Variants in SSPN observed in about 807,000 individuals in gnomAD.
The protein encoded by SSPN is K-ras oncogene-associated protein.
Under a neutral mutation model 19.1 loss-of-function variants are expected in SSPN, and 15 were observed. The observed-to-expected ratio is 0.78, with a 90% CI of 0.52 to 1.21. The LOEUF is 1.21. Among genes scored for constraint, SSPN ranks in the 50% most tolerant of loss-of-function variants. The pLI, the probability that SSPN is intolerant of heterozygous loss-of-function variation, is 0.00. For synonymous variants in SSPN, 147 were observed against 140.3 expected, an observed-to-expected ratio of 1.05 and a Z score of -0.34; for missense variants, 291 against 314.0, an observed-to-expected ratio of 0.93 and a Z score of 0.55.
upstream of SSPN, among the ~76,000 whole-genome samples, chr12:26,191,677 TACACACAC>T (rs10525695): frequency 0.1 from 15,449 of 148,942 alleles, 1,025 homozygotes; most frequent in African/African-American, 0.2. Context: ...TAATTTGTTC[TACACACAC>T]ACACACACAC....
At chr12:26,157,509 C>A (rs1458642098) in intron 1 of SSPN, among the ~76,000 whole-genome samples, 4 of 152,174 alleles carry the variant, frequency 2.6e-5, no homozygotes, top group African/African-American at 9.7e-5. Context: ...ATATACTGTA[C>A]TCACAATTAT....
chr12:26,201,027 A>ATAT (rs1944875715), intron 1 of SSPN, among the ~76,000 whole-genome samples: 12 of 39,448 alleles, frequency 3.0e-4, no homozygotes, highest in Non-Finnish European at 4.5e-4. Context: ...ATATATATAT[A>ATAT]TATATATATA....
At chr12:26,190,625 G>A (rs1420504884), upstream of SSPN, among the ~76,000 whole-genome samples, 1 of 152,136 alleles carries the variant, frequency 6.6e-6, no homozygotes, top group Non-Finnish European at 1.5e-5. Context: ...TGTAGCAATA[G>A]ATAATTAAAA....
At chr12:26,128,882 A>G (rs1264952392) in intron 1 of SSPN, among the ~76,000 whole-genome samples, 1 of 152,204 alleles carries the variant, frequency 6.6e-6, no homozygotes, top group East Asian at 1.9e-4. Flanking sequence ...GAAAGGAAAT[A>G]CTTAGGCCAA....
At chr12:26,157,327 CT>C (rs1337602696) in intron 1 of SSPN, among the ~76,000 whole-genome samples, 2 of 152,198 alleles carry the variant, frequency 1.3e-5, no homozygotes, top group East Asian at 3.8e-4. Flanking sequence ...TCTTTGATGG[CT>C]AATTCTATAC....
Position 26,205,716 on chromosome 12 carries a change from G to A in SSPN, c.279+9765G>A, listed in dbSNP as rs547181762. On this transcript the variant is annotated intron_variant, in intron 1 of 2. Transcript: ENST00000242729. ...CCAAGGCAGTGAAGAGGGCAAACTC[G>A]GACTCCCTAAGGCAAATGTATGATC... Among the ~76,000 whole-genome samples the A allele has an allele frequency of 4.6e-5, 7 of 152,234 alleles. No homozygotes were observed. In the East Asian group the frequency reaches 1.2e-3, roughly 25 times the overall value.
At chr12:26,122,700 T>C (rs1338842444) in intron 1 of SSPN, 5 of 1,569,120 alleles carry the variant, frequency 3.2e-6, no homozygotes, top group Non-Finnish European at 3.4e-6. Flanking sequence ...CGGCGAGTCC[T>C]CCCCGGGAGG....
Position 26,122,728 on chromosome 12 carries a change from C to G in SSPN, c.-31+576C>G, listed in dbSNP as rs754234401. The G allele has an allele frequency of 1.9e-5, 30 of 1,590,906 alleles. No homozygotes were observed. Among genetic ancestry groups the G allele is most frequent in the Non-Finnish European group, 2.6e-5 (30 of 1,173,528 alleles). ...CCGGGAGGCTCCTGCTTGATGGTGA[C>G]GCGGCTCGCCCCCGCGCCTTTGCCT... On this transcript the variant is annotated intron_variant, in intron 1 of 2. Coordinates refer to the SSPN transcript ENST00000538142.
chr12:26,141,681 C>A (rs1437225831), intron 1 of SSPN, among the ~76,000 whole-genome samples: 2 of 152,170 alleles, frequency 1.3e-5, no homozygotes, highest in Non-Finnish European at 2.9e-5. Context: ...AATTGTCTTA[C>A]TAATTTGTTT....
chr12:26,153,237 G>A (rs1269929398), intron 1 of SSPN, among the ~76,000 whole-genome samples: 1 of 152,198 alleles, frequency 6.6e-6, no homozygotes, highest in Admixed American at 6.5e-5. Flanking sequence ...ATAGGGTTGT[G>A]AGGATCAAAC....
intron 1 of SSPN, among the ~76,000 whole-genome samples, chr12:26,158,967 T>TG (rs1944571966): frequency 6.6e-6 from 1 of 152,238 alleles, no homozygotes; most frequent in African/African-American, 2.4e-5. Flanking sequence ...CAGAGACAGC[T>TG]GGTCAGGAGC....
chr12:26,122,459 GC>G, intron 1 of SSPN: 2 of 1,353,264 alleles, frequency 1.5e-6, no homozygotes, highest in South Asian at 1.6e-5. Context: ...GCGAGAGGAA[GC>G]AGAAGGGCAG....
chr12:26,180,680 G>C (rs1944713202), intron 1 of SSPN: 1 of 152,128 alleles, frequency 6.6e-6, no homozygotes, highest in South Asian at 2.1e-4. Flanking sequence ...GCTGGTTTAA[G>C]ATACACAAAA....
chr12:26,199,266 TG>T (rs1944857087), intron 1 of SSPN, among the ~76,000 whole-genome samples: 1 of 152,198 alleles, frequency 6.6e-6, no homozygotes, highest in Non-Finnish European at 1.5e-5. Context: ...TTATGTCCAG[TG>T]GGATTTTAGG....
intron 1 of SSPN, among the ~76,000 whole-genome samples, chr12:26,146,833 A>G (rs1944494371): frequency 6.6e-6 from 1 of 151,902 alleles, no homozygotes; most frequent in Non-Finnish European, 1.5e-5. Flanking sequence ...AAAAAAAAGA[A>G]AGAAATCATT....
At chr12:26,206,376 A>T (rs1243104693) in intron 1 of SSPN, among the ~76,000 whole-genome samples, 1 of 152,212 alleles carries the variant, frequency 6.6e-6, no homozygotes, top group Non-Finnish European at 1.5e-5. Context: ...TAAAGGTTGA[A>T]CAAGATGGTT....
chr12:26,168,214 G>GAAAAAAAAA (rs60365188), intron 1 of SSPN, among the ~76,000 whole-genome samples: 3 of 117,556 alleles, frequency 2.6e-5, no homozygotes, highest in Non-Finnish European at 3.6e-5. Flanking sequence ...CCCTGTCTCA[G>GAAAAAAAAA]AAAAAAAAAA....
chr12:26,158,933 A>G (rs963912457), intron 1 of SSPN, among the ~76,000 whole-genome samples: 2 of 152,224 alleles, frequency 1.3e-5, no homozygotes, highest in African/African-American at 4.8e-5. Context: ...GGGTCAGGAT[A>G]CCTTCCAATG....
rs750770851 is a variant in SSPN at position 26,196,993 on chromosome 12, C to T, written c.279+1042C>T. Among the ~76,000 whole-genome samples, 4 of 152,120 alleles carry T rather than the reference C, an allele frequency of 2.6e-5. No homozygotes were observed. The South Asian group carries it at 6.2e-4, about 24-fold the overall frequency. Reference sequence around the variant, plus strand: ...CACATGCATTATTTCATTTGAGCCACGAAACAACACTTTGAAGTGGGAACT... The same window carrying T: ...CACATGCATTATTTCATTTGAGCCATGAAACAACACTTTGAAGTGGGAACT... On this transcript the variant is annotated intron_variant, in intron 1 of 2. Transcript: ENST00000242729.
Sources: allele counts gnomAD v4.1 joint callset (sites outside exome capture counted in the v4.1 genomes callset), GRCh38; gene constraint gnomAD v4.1.1; transcripts MANE v1.5; gene names NCBI Gene and HGNC (gene_info 2026-07-23, HGNC 2026-07-21).